The following SDK1 variants were observed in gnomAD, a reference collection of about 807,000 sequenced individuals.
SDK1 encodes protein sidekick-1.
In SDK1, 157 loss-of-function variants were observed where a neutral mutation model predicts 245.5. The observed-to-expected ratio is 0.64, with a 90% CI of 0.56 to 0.73. The LOEUF (loss-of-function observed/expected upper bound fraction) is 0.73, where lower values mean the gene tolerates loss of function less well. SDK1 is among the 30% of genes least tolerant of loss of function. The pLI, the probability that SDK1 is intolerant of heterozygous loss-of-function variation, is 0.00. For missense variants in SDK1, 3,583 were observed against 3,002.3 expected, an observed-to-expected ratio of 1.19 and a Z score of -4.52; for synonymous variants, 1,647 against 1,278.5, an observed-to-expected ratio of 1.29 and a Z score of -6.15.
At chr7:3,909,765 T>C (rs979038024) in intron 5 of SDK1, among the ~76,000 whole-genome samples, 15 of 152,258 alleles carry the variant, frequency 9.9e-5, no homozygotes, top group African/African-American at 2.2e-4. Context: ...TTAATTCTCA[T>C]GGTCGATGGC....
In SDK1 at chr7:3,449,287, C is replaced by T. The variant is rs529531845; in HGVS notation, c.298+147403C>T. ...TTGGGCTCATCCTTTATGCCCTGCA[C>T]AGAGCGATCAGATCCATACACATCT... On this transcript the variant is annotated intron_variant, in intron 1 of 44. Transcript: ENST00000404826. 5.9e-5 allele frequency among the ~76,000 whole-genome samples: 9 copies of T among 151,616 alleles called. No individual in the cohort carries two copies. In the East Asian group the frequency reaches 1.7e-3, roughly 29 times the overall value.
intron 1 of SDK1, among the ~76,000 whole-genome samples, chr7:3,541,735 G>A (rs1025004209): frequency 4.6e-5 from 7 of 152,116 alleles, no homozygotes; most frequent in Non-Finnish European, 1.0e-4. Context: ...GTAACTGATG[G>A]TTGAATTAGG....
At chr7:3,953,114 C>T (rs1378013473) in intron 7 of SDK1, among the ~76,000 whole-genome samples, 3 of 151,658 alleles carry the variant, frequency 2.0e-5, no homozygotes, top group Non-Finnish European at 2.9e-5. Flanking sequence ...AATAAGAAAA[C>T]CCTCAGAGAG....
chr7:3,836,202 A>C (rs543169948), intron 5 of SDK1, among the ~76,000 whole-genome samples: 1 of 152,234 alleles, frequency 6.6e-6, no homozygotes, highest in South Asian at 2.1e-4. Flanking sequence ...TCAACATGTC[A>C]AACTGTAGTG....
At chr7:3,605,326 C>T (rs377257194) in intron 1 of SDK1, among the ~76,000 whole-genome samples, 1 of 152,196 alleles carries the variant, frequency 6.6e-6, no homozygotes, top group Non-Finnish European at 1.5e-5. Flanking sequence ...ATACGTAGCT[C>T]AGTGCTTATT....
intron 5 of SDK1, among the ~76,000 whole-genome samples, chr7:3,831,101 A>C (rs1779902034): frequency 6.6e-6 from 1 of 152,164 alleles, no homozygotes; most frequent in South Asian, 2.1e-4. Flanking sequence ...TGGAAAATTG[A>C]ATTTTTCCTG....
intron 1 of SDK1, among the ~76,000 whole-genome samples, chr7:3,563,120 A>G (rs1198929000): frequency 6.6e-6 from 1 of 152,206 alleles, no homozygotes; most frequent in Admixed American, 6.5e-5. Context: ...ACATTGTGAA[A>G]ATGAAAAGCA....
chr7:3,442,957 T>C (rs1446548284), intron 1 of SDK1, among the ~76,000 whole-genome samples: 2 of 152,186 alleles, frequency 1.3e-5, no homozygotes, highest in African/African-American at 4.8e-5. Flanking sequence ...CCAAGAAGCC[T>C]GCTCTATAAA....
chr7:3,554,839 A>G (rs548538774), intron 1 of SDK1, among the ~76,000 whole-genome samples: 1 of 152,358 alleles, frequency 6.6e-6, no homozygotes, highest in African/African-American at 2.4e-5. Flanking sequence ...CCCATTTACA[A>G]TAGCTACAAA....
intron 1 of SDK1, among the ~76,000 whole-genome samples, chr7:3,315,670 T>C (rs889369219): frequency 4.6e-5 from 7 of 152,240 alleles, no homozygotes; most frequent in African/African-American, 1.7e-4. Flanking sequence ...CTGAATGTTC[T>C]AAGTTTTCAA....
At chr7:3,346,192 C>G (rs922974529) in intron 1 of SDK1, among the ~76,000 whole-genome samples, 1 of 152,086 alleles carries the variant, frequency 6.6e-6, no homozygotes, top group African/African-American at 2.4e-5. Flanking sequence ...ACAAATGCTG[C>G]TCATAATAAA....
intron 1 of SDK1, among the ~76,000 whole-genome samples, chr7:3,340,782 A>AAAT (rs397946680): frequency 6.0e-5 from 9 of 149,178 alleles, no homozygotes; most frequent in African/African-American, 2.3e-4. Context: ...AAAAAAAAAA[A>AAAT]TCATCTATGA....
intron 35 of SDK1, among the ~76,000 whole-genome samples, chr7:4,205,230 A>C (rs1379832212): frequency 6.6e-6 from 1 of 152,060 alleles, no homozygotes; most frequent in African/African-American, 2.4e-5. Flanking sequence ...TAGAGGGGCA[A>C]CTCTGTGTAT....
intron 4 of SDK1, among the ~76,000 whole-genome samples, chr7:3,739,832 A>G (rs1485917210): frequency 5.3e-5 from 8 of 151,950 alleles, no homozygotes; most frequent in Non-Finnish European, 5.9e-5. Flanking sequence ...TGCATATTTC[A>G]TAAATGTTTT....
intron 5 of SDK1, among the ~76,000 whole-genome samples, chr7:3,883,276 A>T (rs1781251141): frequency 6.6e-6 from 1 of 152,212 alleles, no homozygotes; most frequent in South Asian, 2.1e-4. Flanking sequence ...GAGGTTTCTT[A>T]AAAGCTTAAG....
Position 4,268,754 on chromosome 7 carries a change from G to T in SDK1, c.*3370G>T. 7.3e-7 allele frequency: 1 copy of T among 1,367,646 alleles called. No individual in the cohort carries two copies. Among genetic ancestry groups the T allele is most frequent in the Non-Finnish European group, 9.8e-7 (1 of 1,021,820 alleles). 84.7% of individuals were successfully genotyped at this position (1,367,646 alleles called of 1,614,324 possible). On this transcript the variant is annotated 3_prime_UTR_variant, in exon 45 of 45. Coordinates refer to ENST00000404826, the MANE Select transcript of SDK1 (RefSeq NM_152744.4). ...CCGTGGGTCAGCGTCCTGGTAGCAT[G>T]GATCCAGTCTGAAAGGTGAGGACAA...
chr7:3,810,888 C>T (rs539444147), intron 4 of SDK1, among the ~76,000 whole-genome samples: 63 of 152,246 alleles, frequency 4.1e-4, no homozygotes, highest in African/African-American at 1.3e-3. Flanking sequence ...ATTACATGTA[C>T]GCTCTTGAGC....
intron 1 of SDK1, among the ~76,000 whole-genome samples, chr7:3,576,669 A>G (rs981917266): frequency 1.3e-5 from 2 of 152,032 alleles, no homozygotes; most frequent in African/African-American, 2.4e-5. Flanking sequence ...ATCGATACCC[A>G]TGTGACTTAT....
At chr7:3,740,776 G>T (rs556922543) in intron 4 of SDK1, among the ~76,000 whole-genome samples, 4 of 152,284 alleles carry the variant, frequency 2.6e-5, no homozygotes, top group African/African-American at 9.6e-5. Context: ...ATTGTTGCAA[G>T]CCTTTGATTA....
Sources: allele counts gnomAD v4.1 joint callset (sites outside exome capture counted in the v4.1 genomes callset), GRCh38; gene constraint gnomAD v4.1.1; transcripts MANE v1.5; gene names NCBI Gene and HGNC (gene_info 2026-07-23, HGNC 2026-07-21).